Variants in CFAP95 observed in about 807,000 individuals in gnomAD.
CFAP95 encodes the protein cilia and flagella associated protein 95.
chr9:69,894,884 A>G, the CFAP95 span, among the ~76,000 whole-genome samples: 1 of 152,126 alleles, frequency 6.6e-6, no homozygotes, highest in Non-Finnish European at 1.5e-5. Flanking sequence ...CAACATGGTG[A>G]AACACCATCT....
At chr9:69,881,617 T>G in the CFAP95 span, among the ~76,000 whole-genome samples, 1 of 152,230 alleles carries the variant, frequency 6.6e-6, no homozygotes, top group Non-Finnish European at 1.5e-5. Flanking sequence ...AGTTTTGTTC[T>G]TTTGGCTCAG....
At chr9:69,863,011 G>T in the CFAP95 span, among the ~76,000 whole-genome samples, 4 of 152,216 alleles carry the variant, frequency 2.6e-5, no homozygotes. Flanking sequence ...AGATGGAGGA[G>T]ATAGAGAAAA....
the CFAP95 span, among the ~76,000 whole-genome samples, chr9:69,874,759 C>G: frequency 6.6e-6 from 1 of 152,182 alleles, no homozygotes; most frequent in African/African-American, 2.4e-5. Flanking sequence ...CCAAAGAGGG[C>G]CCTGATCAGA....
chr9:69,833,640 C>T, the CFAP95 span, among the ~76,000 whole-genome samples: 1 of 152,170 alleles, frequency 6.6e-6, no homozygotes, highest in Non-Finnish European at 1.5e-5. Context: ...CTTCTCAGCA[C>T]TCCTTCTACT....
chr9:69,847,797 T>C, the CFAP95 span, among the ~76,000 whole-genome samples: 352 of 152,302 alleles, frequency 2.3e-3, 3 homozygotes, highest in Non-Finnish European at 4.1e-3. Context: ...ATTTAGCTGA[T>C]TGAGGGTGTC....
At chr9:69,906,163 G>A in the CFAP95 span, 81 of 1,535,404 alleles carry the variant, frequency 5.3e-5, no homozygotes, top group Non-Finnish European at 6.3e-5. Context: ...CAGCATCTCT[G>A]ACTAATGAAA....
chr9:69,863,726 G>A, the CFAP95 span, among the ~76,000 whole-genome samples: 278 of 152,068 alleles, frequency 1.8e-3, no homozygotes, highest in East Asian at 0.029. Context: ...ACAACAACCA[G>A]AACTGTATCA....
At chr9:69,840,842 T>C in the CFAP95 span, among the ~76,000 whole-genome samples, 6 of 152,082 alleles carry the variant, frequency 3.9e-5, no homozygotes, top group Non-Finnish European at 7.4e-5. Flanking sequence ...ACAGCATCCA[T>C]GGGCAGCCGG....
At chr9:69,826,511 G>A in the CFAP95 span, among the ~76,000 whole-genome samples, 9 of 152,250 alleles carry the variant, frequency 5.9e-5, no homozygotes, top group Middle Eastern at 3.4e-3. Flanking sequence ...AAAAAAGTAA[G>A]GACCCTTGGT....
chr9:69,895,266 G>T, the CFAP95 span, among the ~76,000 whole-genome samples: 1 of 151,840 alleles, frequency 6.6e-6, no homozygotes, highest in Non-Finnish European at 1.5e-5. Flanking sequence ...TCTCAAGATT[G>T]TAACATAGAA....
At chr9:69,884,670 T>TA in the CFAP95 span, 104 of 151,914 alleles carry the variant, frequency 6.8e-4, no homozygotes, top group African/African-American at 2.3e-3. Context: ...GTTTTTTTTT[T>TA]AAATACAGTT....
chr9:69,838,469 T>C, the CFAP95 span, among the ~76,000 whole-genome samples: 9 of 151,796 alleles, frequency 5.9e-5, 1 homozygote, highest in African/African-American at 2.2e-4. Context: ...GTTGGATTCC[T>C]AGGTATTGTA....
At chr9:69,904,905 T>A in the CFAP95 span, among the ~76,000 whole-genome samples, 1 of 152,228 alleles carries the variant, frequency 6.6e-6, no homozygotes, top group African/African-American at 2.4e-5. Flanking sequence ...TTGTTAGGGT[T>A]CTGGAGGGAT....
chr9:69,826,395 C>A, the CFAP95 span, among the ~76,000 whole-genome samples: 2 of 152,184 alleles, frequency 1.3e-5, no homozygotes, highest in Non-Finnish European at 2.9e-5. Flanking sequence ...AGAGTTCCTC[C>A]TGTCACTGGA....
At chr9:69,879,023 G>A in the CFAP95 span, among the ~76,000 whole-genome samples, 1 of 152,136 alleles carries the variant, frequency 6.6e-6, no homozygotes, top group Non-Finnish European at 1.5e-5. Flanking sequence ...TTATGACGAT[G>A]GCACCAGGCC....
chr9:69,898,870 C>G, the CFAP95 span, among the ~76,000 whole-genome samples: 3 of 152,040 alleles, frequency 2.0e-5, no homozygotes, highest in East Asian at 5.8e-4. Flanking sequence ...CATTTCCCCC[C>G]TAAAACAAAT....
the CFAP95 span, among the ~76,000 whole-genome samples, chr9:69,884,838 A>G: frequency 6.8e-6 from 1 of 146,026 alleles, no homozygotes; most frequent in Non-Finnish European, 1.5e-5. Flanking sequence ...TCCTTTCCTG[A>G]CTTCTATTAG....
At chr9:69,831,502 G>C in the CFAP95 span, among the ~76,000 whole-genome samples, 1 of 152,004 alleles carries the variant, frequency 6.6e-6, no homozygotes, top group Admixed American at 6.6e-5. Context: ...CACTTTGCTG[G>C]GTTAGGAATT....
the CFAP95 span, among the ~76,000 whole-genome samples, chr9:69,866,658 G>T: frequency 6.6e-6 from 1 of 152,208 alleles, no homozygotes; most frequent in Non-Finnish European, 1.5e-5. Context: ...TAGCAAAAGA[G>T]ATGGACAGAT....
Sources: gnomAD v4.1 joint callset for allele counts (sites outside exome capture counted in the v4.1 genomes callset) on GRCh38, gnomAD v4.1.1 for gene constraint, MANE v1.5 for transcripts, NCBI Gene and HGNC (gene_info 2026-07-23, HGNC 2026-07-21) for gene names.